The following HNF1B variants were observed in gnomAD, a reference collection of about 807,000 sequenced individuals.
The protein encoded by HNF1B is hepatocyte nuclear factor 1-beta.
Under a neutral mutation model 61.7 loss-of-function variants are expected in HNF1B, and 8 were observed. That is an observed-to-expected ratio of 0.13 (90% CI 0.08 to 0.23). The LOEUF (loss-of-function observed/expected upper bound fraction) is 0.23. Among genes scored for constraint, HNF1B ranks in the 10% least tolerant of loss-of-function variants. The probability of loss-of-function intolerance (pLI) is 1.00; values close to 1 mark genes in which losing one functional copy is unlikely to be tolerated. For synonymous variants in HNF1B, 314 were observed against 287.7 expected, an observed-to-expected ratio of 1.09 and a Z score of -0.93; for missense variants, 562 against 714.5, an observed-to-expected ratio of 0.79 and a Z score of 2.43.
chr17:37,736,486 TG>T (rs1431246630), intron 2 of HNF1B, among the ~76,000 whole-genome samples: 2 of 152,186 alleles, frequency 1.3e-5, no homozygotes, highest in Non-Finnish European at 2.9e-5. Context: ...TGAAGTGACT[TG>T]TCCAAAGTCA....
chr17:37,708,512 C>T (rs988911598), intron 5 of HNF1B, among the ~76,000 whole-genome samples: 6 of 152,162 alleles, frequency 3.9e-5, no homozygotes, highest in African/African-American at 1.4e-4. Flanking sequence ...AGAGGCAGAG[C>T]TCAGTAGGAA....
intron 2 of HNF1B, among the ~76,000 whole-genome samples, chr17:37,737,143 CT>C (rs988509117): frequency 6.6e-6 from 1 of 152,144 alleles, no homozygotes; most frequent in African/African-American, 2.4e-5. Context: ...ATTCTCTCCC[CT>C]CTTCCTCCTT....
chr17:37,705,116 G>A (rs969668292), intron 5 of HNF1B, 67 bp from the exon 6 acceptor site: 7 of 1,496,792 alleles, frequency 4.7e-6, no homozygotes, highest in South Asian at 3.5e-5. Flanking sequence ...TTTCCAACAC[G>A]ATGTGACTTA....
rs1598815247 is a variant in HNF1B, at chr17:37,710,677, C to T, written c.1046-14G>A. 2 of 1,611,608 alleles carry T rather than the reference C, an allele frequency of 1.2e-6. No homozygotes were observed. The highest frequency in any genetic ancestry group is 2.2e-5 in the East Asian group (1 of 44,862). ...TGTAGCGCACTCCTGCAAAACAACA[C>T]AAACCCAGTAGGGAACATTAGTGCC... On this transcript the variant is annotated splice_polypyrimidine_tract_variant and intron_variant, in intron 4 of 8. Coordinates refer to ENST00000617811, the MANE Select transcript of HNF1B (RefSeq NM_000458.4).
intron 8 of HNF1B, among the ~76,000 whole-genome samples, chr17:37,696,080 G>A (rs2032373607): frequency 1.3e-5 from 2 of 152,136 alleles, no homozygotes; most frequent in Admixed American, 6.5e-5. Context: ...GGGGCTCAGT[G>A]GGAGGTAATG....
At chr17:37,717,331 G>A (rs535788172) in intron 4 of HNF1B, among the ~76,000 whole-genome samples, 1 of 152,282 alleles carries the variant, frequency 6.6e-6, no homozygotes, top group African/African-American at 2.4e-5. Flanking sequence ...CACCAACAGA[G>A]TAAACATTAC....
At chr17:37,711,608 TG>T (rs758843395) in intron 4 of HNF1B, among the ~76,000 whole-genome samples, 1 of 152,204 alleles carries the variant, frequency 6.6e-6, no homozygotes, top group East Asian at 1.9e-4. Flanking sequence ...TCCTGCTTGA[TG>T]TGCCCATGAA....
intron 4 of HNF1B, among the ~76,000 whole-genome samples, chr17:37,725,139 T>C (rs752411949): frequency 2.0e-5 from 3 of 152,194 alleles, no homozygotes; most frequent in Non-Finnish European, 2.9e-5. Context: ...TTCCTGTCGC[T>C]TCTCATCAAA....
intron 4 of HNF1B, chr17:37,728,805 C>T (rs976162370): frequency 1.3e-5 from 2 of 152,802 alleles, no homozygotes; most frequent in African/African-American, 4.8e-5. Flanking sequence ...CACACGCCAT[C>T]CTGGCAGCCT....
chr17:37,726,516 G>A (rs376611777), intron 4 of HNF1B, among the ~76,000 whole-genome samples: 2 of 152,124 alleles, frequency 1.3e-5, no homozygotes, highest in Non-Finnish European at 2.9e-5. Context: ...AGATTTCCTC[G>A]TGTCCTGCAG....
chr17:37,718,114 T>C (rs2033183848), intron 4 of HNF1B, among the ~76,000 whole-genome samples: 1 of 151,962 alleles, frequency 6.6e-6, no homozygotes, highest in Non-Finnish European at 1.5e-5. Context: ...AAACTGGTTT[T>C]CTTATTTAAA....
At chr17:37,719,853 A>G (rs1433374924) in intron 4 of HNF1B, among the ~76,000 whole-genome samples, 1 of 152,180 alleles carries the variant, frequency 6.6e-6, no homozygotes, top group Non-Finnish European at 1.5e-5. Context: ...GTACTGGGAG[A>G]TGATACCCAG....
chr17:37,727,828 C>G lies in HNF1B; in HGVS notation c.1045+3767G>C, dbSNP rs186895474. Among the ~76,000 whole-genome samples the G allele has an allele frequency of 4.0e-3, 606 of 152,208 alleles. 6 individuals are homozygous for G. The highest frequency in any genetic ancestry group is 5.9e-3 in the Non-Finnish European group (402 of 67,986). On this transcript the variant is annotated intron_variant, in intron 4 of 8. Coordinates refer to ENST00000617811, the MANE Select transcript of HNF1B (RefSeq NM_000458.4). ...AGAGGGTTCTGGGGAAGCTTCGTCT[C>G]CAAGGTGCTGCCAGCCCTCCTGGCT...
chr17:37,694,505 C>T (rs1469796771), intron 8 of HNF1B, among the ~76,000 whole-genome samples: 1 of 140,206 alleles, frequency 7.1e-6, no homozygotes, highest in Non-Finnish European at 1.5e-5. Flanking sequence ...CAATGGGTAA[C>T]AGGCAGAGAT....
At position 37,722,905 on chromosome 17, in the gene HNF1B, C is replaced by T. The variant is rs541732601; in HGVS notation, c.1045+8690G>A. Among the ~76,000 whole-genome samples the T allele has an allele frequency of 1.4e-3, 208 of 152,178 alleles. 1 individual carries two copies. The highest frequency in any genetic ancestry group is 1.9e-3 in the Non-Finnish European group (127 of 68,008). On this transcript the variant is annotated intron_variant, in intron 4 of 8. Transcript: ENST00000617811. The stretch of plus-strand genomic sequence containing the variant: ...ACCTTCTCCTTCTTAAATGCTCCTT[C>T]GCCTGACGTTTGGGGGCCATTAAGC...
intron 5 of HNF1B, among the ~76,000 whole-genome samples, chr17:37,705,318 A>C (rs1274182026): frequency 6.6e-6 from 1 of 152,178 alleles, no homozygotes; most frequent in Admixed American, 6.5e-5. Flanking sequence ...AAAAGAAAAA[A>C]ACACAATTAT....
chr17:37,731,920 G>A (rs2033700490), intron 3 of HNF1B, 90 bp from the exon 4 acceptor site: 1 of 886,208 alleles, frequency 1.1e-6, no homozygotes, highest in Admixed American at 1.9e-5. Flanking sequence ...CAGCAGTCTT[G>A]GTTGGGAGTA....
chr17:37,706,604 A>C (rs1433006865), intron 5 of HNF1B, among the ~76,000 whole-genome samples: 2 of 151,902 alleles, frequency 1.3e-5, no homozygotes, highest in Non-Finnish European at 2.9e-5. Context: ...ATGACCAAGA[A>C]GGAATTCTGA....
chr17:37,715,123 C>G (rs1386850321), intron 4 of HNF1B, among the ~76,000 whole-genome samples: 2 of 152,092 alleles, frequency 1.3e-5, no homozygotes, highest in Non-Finnish European at 1.5e-5. Context: ...TTGATTCATC[C>G]TGGGAGATGG....
Sources: allele counts gnomAD v4.1 joint callset (sites outside exome capture counted in the v4.1 genomes callset), GRCh38; gene constraint gnomAD v4.1.1; transcripts MANE v1.5; gene names NCBI Gene and HGNC (gene_info 2026-07-23, HGNC 2026-07-21).